The following TPH2 variants were observed in gnomAD, a reference collection of about 807,000 sequenced individuals.
TPH2 encodes tryptophan 5-hydroxylase 2.
A neutral mutation model predicts 59.1 loss-of-function variants in TPH2; 27 were observed. The ratio of observed to expected loss-of-function variants is 0.46; its 90% CI spans 0.34 to 0.63. TPH2 has a LOEUF of 0.63. Ranked by LOEUF, TPH2 falls within the 30% of genes least tolerant of loss-of-function variation. The pLI is 0.01. For synonymous variants in TPH2, 220 were observed against 210.5 expected (o/e 1.05, Z -0.39); for missense variants, 523 against 588.3 (o/e 0.89, Z 1.15).
intron 5 of TPH2, among the ~76,000 whole-genome samples, chr12:71,967,059 G>A (rs1430913433): frequency 6.6e-6 from 1 of 152,146 alleles, no homozygotes; most frequent in African/African-American, 2.4e-5. Flanking sequence ...TATTCATCTG[G>A]CTGTAGAAAG....
Position 71,944,363 on chromosome 12 carries a change from T to A in TPH2, c.325T>A (p.Phe109Ile). ...GCGAAGAAGTTCTGAGGTTGAAATC[T>A]TTGTGGACTGTGAGTGTGGGAAAAC... ...SRRRSSEVEI[F>I]VDCECGKTEF... Residue 109 changes from phenylalanine to isoleucine, a missense_variant, in exon 3 of 11, where the codon TTT becomes ATT. Phe to Ile is a conservative substitution (Grantham distance 21). Transcript: ENST00000333850. 6.2e-7 allele frequency: 1 copy of A among 1,613,982 alleles called. No homozygotes were observed. Among genetic ancestry groups the A allele is most frequent in the Non-Finnish European group, 8.5e-7 (1 of 1,179,870 alleles).
At chr12:71,961,948 C>T in intron 5 of TPH2, 2 of 1,052,640 alleles carry the variant, frequency 1.9e-6, no homozygotes, top group Non-Finnish European at 2.3e-6. Context: ...TTTGTTTGCT[C>T]CCATCTGAAA....
chr12:71,992,894 C>T (rs1872612914), intron 7 of TPH2, among the ~76,000 whole-genome samples: 1 of 152,178 alleles, frequency 6.6e-6, no homozygotes, highest in Non-Finnish European at 1.5e-5. Flanking sequence ...TTAAATGCCC[C>T]TATACCCTAA....
Position 71,988,905 on chromosome 12 carries a change from C to G in TPH2, c.942-5534C>G, listed in dbSNP as rs923313626. On this transcript the variant is annotated intron_variant, in intron 7 of 10. Coordinates refer to ENST00000333850, the MANE Select transcript of TPH2 (RefSeq NM_173353.4). The stretch of plus-strand genomic sequence containing the variant: ...AGATTATGCCTTATTTACTTTTAAG[C>G]CACATTTCCTAATATAGCACCTGGT... 9.2e-5 allele frequency among the ~76,000 whole-genome samples: 14 copies of G among 152,086 alleles called. No individual in the cohort carries two copies. In the South Asian group the frequency reaches 2.7e-3, roughly 29 times the overall value.
chr12:71,974,964 G>A (rs1201642385), intron 6 of TPH2, among the ~76,000 whole-genome samples: 1 of 152,032 alleles, frequency 6.6e-6, no homozygotes, highest in African/African-American at 2.4e-5. Flanking sequence ...TTTTGTAAAA[G>A]GCCAGTTGGT....
intron 4 of TPH2, among the ~76,000 whole-genome samples, chr12:71,946,099 T>A (rs1871190996): frequency 6.6e-6 from 1 of 152,166 alleles, no homozygotes; most frequent in Non-Finnish European, 1.5e-5. Flanking sequence ...AGAATGACCT[T>A]GGCCAAGTCC....
At chr12:72,028,768 C>A (rs183216933) in intron 9 of TPH2, among the ~76,000 whole-genome samples, 1 of 152,172 alleles carries the variant, frequency 6.6e-6, no homozygotes, top group Non-Finnish European at 1.5e-5. Flanking sequence ...GCATATCACA[C>A]GCATAGCAGA....
intron 7 of TPH2, among the ~76,000 whole-genome samples, chr12:71,986,718 C>T (rs185203324): frequency 8.1e-4 from 121 of 148,888 alleles, no homozygotes; most frequent in Non-Finnish European, 1.4e-3. Context: ...TTTCCTTGTG[C>T]GGAGCCCATA....
At chr12:72,025,820 G>C (rs1873552249) in intron 9 of TPH2, among the ~76,000 whole-genome samples, 1 of 152,166 alleles carries the variant, frequency 6.6e-6, no homozygotes, top group South Asian at 2.1e-4. Context: ...TCTAGCTTGT[G>C]TCTTTCCTTT....
chr12:71,987,016 G>C (rs1271161105), intron 7 of TPH2, among the ~76,000 whole-genome samples: 1 of 152,190 alleles, frequency 6.6e-6, no homozygotes, highest in Non-Finnish European at 1.5e-5. Flanking sequence ...AAGAGAGAAG[G>C]AAAGAGGGAG....
chr12:72,023,174 G>C (rs999737706), intron 9 of TPH2, among the ~76,000 whole-genome samples: 2 of 152,062 alleles, frequency 1.3e-5, no homozygotes, highest in African/African-American at 4.8e-5. Flanking sequence ...TATACCATGG[G>C]GGGATAGCAA....
intron 8 of TPH2, among the ~76,000 whole-genome samples, chr12:72,014,795 T>C (rs2139238488): frequency 6.6e-6 from 1 of 152,262 alleles, no homozygotes; most frequent in African/African-American, 2.4e-5. Context: ...CTTAGGAGTA[T>C]TTGGAGTTTA....
At chr12:71,993,633 C>A (rs1592402436) in intron 7 of TPH2, among the ~76,000 whole-genome samples, 1 of 152,134 alleles carries the variant, frequency 6.6e-6, no homozygotes, top group East Asian at 1.9e-4. Context: ...TTCAGGCTAA[C>A]CAAAGCAGAG....
chr12:71,947,963 T>C (rs1284133257), intron 4 of TPH2, among the ~76,000 whole-genome samples: 1 of 152,154 alleles, frequency 6.6e-6, no homozygotes, highest in Non-Finnish European at 1.5e-5. Context: ...CACAGGACGC[T>C]TTTCCTTTTG....
At chr12:71,968,597 C>G (rs762166244) in intron 5 of TPH2, among the ~76,000 whole-genome samples, 4 of 152,198 alleles carry the variant, frequency 2.6e-5, no homozygotes, top group Non-Finnish European at 2.9e-5. Flanking sequence ...AGTAAGGGTC[C>G]GGTTGGGAAA....
Position 71,958,202 on chromosome 12 carries a change from GA to G in TPH2, c.608+8549del, listed in dbSNP as rs199907956. Among the ~76,000 whole-genome samples, 883 of 152,308 alleles carry G rather than the reference GA, an allele frequency of 5.8e-3. 12 individuals carry two copies. The highest frequency in any genetic ancestry group is 0.02 in the African/African-American group (813 of 41,570). On this transcript the variant is annotated intron_variant, in intron 5 of 10. Transcript: ENST00000333850. ...GAGCAGTAAATTGAAGAGCAGAACT[GA>G]AGCAAATATTTATAGTACTAGGGTC...
intron 1 of TPH2, 125 bp downstream of exon 1, chr12:71,939,216 T>G (rs1870985732): frequency 1.3e-6 from 1 of 754,152 alleles, no homozygotes. Context: ...CTTTATAATC[T>G]GTCTACCCTG....
chr12:71,994,358 T>G, intron 7 of TPH2, 81 bp from the exon 8 acceptor site: 1 of 1,493,602 alleles, frequency 6.7e-7, no homozygotes, highest in South Asian at 1.1e-5. Context: ...CAAGGTCTTA[T>G]TTAGGTTTTT....
chr12:71,942,454 C>T (rs114780262), intron 2 of TPH2, among the ~76,000 whole-genome samples: 6 of 152,096 alleles, frequency 3.9e-5, no homozygotes, highest in Non-Finnish European at 5.9e-5. Flanking sequence ...GGGGCAGTGG[C>T]GGTTGATGAG....
Sources: gnomAD v4.1 joint callset for allele counts (sites outside exome capture counted in the v4.1 genomes callset) on GRCh38, gnomAD v4.1.1 for gene constraint, MANE v1.5 for transcripts, NCBI Gene and HGNC (gene_info 2026-07-23, HGNC 2026-07-21) for gene names.